The following OXCT1 variants were observed in gnomAD, a reference collection of about 807,000 sequenced individuals.
OXCT1 encodes the protein 3-oxoacid CoA-transferase 1.
OXCT1 carries 27 observed loss-of-function variants against 69.6 expected under a neutral mutation model. The ratio of observed to expected loss-of-function variants is 0.39; its 90% CI spans 0.29 to 0.54. The LOEUF is 0.54. OXCT1 is among the 20% of genes least tolerant of loss of function. The pLI is 0.72. For synonymous variants in OXCT1, 202 were observed against 217.8 expected (o/e 0.93, Z 0.64); for missense variants, 437 against 650.2 (o/e 0.67, Z 3.57).
At chr5:41,860,393 AT>A (rs1749678139) in intron 3 of OXCT1, among the ~76,000 whole-genome samples, 1 of 152,196 alleles carries the variant, frequency 6.6e-6, no homozygotes, top group Admixed American at 6.5e-5. Context: ...AAGGGGCAAG[AT>A]CAATAAAGAC....
rs547919263 is a variant in OXCT1, at chr5:41,823,472, C to T, written c.733-16034G>A. 2.6e-5 allele frequency among the ~76,000 whole-genome samples: 4 copies of T among 152,268 alleles called. No homozygotes were observed. In the South Asian group the frequency reaches 8.3e-4, roughly 32 times the overall value. On this transcript the variant is annotated intron_variant, in intron 7 of 16. Coordinates refer to ENST00000196371, the MANE Select transcript of OXCT1 (RefSeq NM_000436.4). ...CAATTACAGTTTGAGCTTTTCTACC[C>T]CAGGACTGGTTCCCATGGAGATTTC...
chr5:41,732,491 C>T (rs1742683487), intron 16 of OXCT1, among the ~76,000 whole-genome samples: 1 of 152,130 alleles, frequency 6.6e-6, no homozygotes, highest in South Asian at 2.1e-4. Context: ...TATAAGTGGT[C>T]AGTTTAACTG....
intron 13 of OXCT1, among the ~76,000 whole-genome samples, chr5:41,771,778 A>C (rs1744882021): frequency 6.6e-6 from 1 of 152,210 alleles, no homozygotes; most frequent in Admixed American, 6.5e-5. Flanking sequence ...TACTACCCAG[A>C]AACAGAATAA....
At chr5:41,777,155 T>C (rs1375866155) in intron 13 of OXCT1, among the ~76,000 whole-genome samples, 3 of 152,164 alleles carry the variant, frequency 2.0e-5, no homozygotes, top group Non-Finnish European at 4.4e-5. Flanking sequence ...CGGTGGCTTA[T>C]GCCTGTAATC....
At chr5:41,758,650 T>C (rs1368335705) in intron 14 of OXCT1, among the ~76,000 whole-genome samples, 1 of 151,932 alleles carries the variant, frequency 6.6e-6, no homozygotes, top group Non-Finnish European at 1.5e-5. Context: ...AGGGAACCCA[T>C]AAAGGAAGGA....
At chr5:41,811,720 A>G (rs1579788272) in intron 7 of OXCT1, among the ~76,000 whole-genome samples, 1 of 152,192 alleles carries the variant, frequency 6.6e-6, no homozygotes, top group East Asian at 1.9e-4. Flanking sequence ...TGAATTTGCA[A>G]CCTTTAAAAT....
intron 7 of OXCT1, among the ~76,000 whole-genome samples, chr5:41,835,247 A>C (rs888753776): frequency 6.6e-6 from 1 of 152,230 alleles, no homozygotes; most frequent in African/African-American, 2.4e-5. Flanking sequence ...ATTCCTAGAC[A>C]TATATAACCT....
intron 1 of OXCT1, among the ~76,000 whole-genome samples, chr5:41,868,346 G>A (rs1750099562): frequency 6.6e-6 from 1 of 152,110 alleles, no homozygotes; most frequent in African/African-American, 2.4e-5. Flanking sequence ...CTCTGCCATC[G>A]GGGAACTGTC....
At chr5:41,810,729 G>C (rs890307671) in intron 7 of OXCT1, among the ~76,000 whole-genome samples, 7 of 152,034 alleles carry the variant, frequency 4.6e-5, no homozygotes, top group Non-Finnish European at 8.8e-5. Context: ...GTGATTGCTT[G>C]GCAAACATTA....
intron 7 of OXCT1, among the ~76,000 whole-genome samples, chr5:41,824,641 A>G (rs1338630935): frequency 6.6e-6 from 1 of 152,226 alleles, no homozygotes; most frequent in Non-Finnish European, 1.5e-5. Context: ...AACTATAAAT[A>G]AAACAGCAGC....
rs970641432 is a variant in OXCT1, at chr5:41,730,415, C to T, written c.*1314G>A. 3 of 152,144 alleles carry T rather than the reference C, an allele frequency of 2.0e-5. No individual in the cohort carries two copies. The highest frequency in any genetic ancestry group is 2.9e-5 in the Non-Finnish European group (2 of 68,028). 9.4% of individuals were successfully genotyped at this position (152,144 alleles called of 1,614,324 possible). On this transcript the variant is annotated 3_prime_UTR_variant, in exon 17 of 17. Transcript: ENST00000196371. ...TGTACATTACACAATTGTAGCTACA[C>T]CTGAAAAGAAGTGAGTTTCAATGAC...
At chr5:41,802,636 T>A (rs548505080) in intron 10 of OXCT1, among the ~76,000 whole-genome samples, 1 of 152,052 alleles carries the variant, frequency 6.6e-6, no homozygotes, top group Non-Finnish European at 1.5e-5. Flanking sequence ...TTATTTAACA[T>A]AGAACTATTG....
chr5:41,853,372 A>T (rs780012179), intron 4 of OXCT1, 47 bp downstream of exon 4: 1 of 1,569,360 alleles, frequency 6.4e-7, no homozygotes, highest in East Asian at 2.2e-5. Flanking sequence ...GAAAAAAGGA[A>T]TTTTTAAAGT....
chr5:41,829,412 GATCTC>G (rs1747983931), intron 7 of OXCT1, among the ~76,000 whole-genome samples: 1 of 151,930 alleles, frequency 6.6e-6, no homozygotes, highest in Non-Finnish European at 1.5e-5. Flanking sequence ...TTTCTTTTAG[GATCTC>G]TATATAAACT....
At chr5:41,844,530 A>G (rs1046947134) in intron 5 of OXCT1, among the ~76,000 whole-genome samples, 4 of 150,326 alleles carry the variant, frequency 2.7e-5, no homozygotes, top group Non-Finnish European at 5.9e-5. Flanking sequence ...CTAAATGTCA[A>G]CGAGGTGCTC....
chr5:41,739,519 T>C, intron 15 of OXCT1, 28 bp from the exon 16 acceptor site: 2 of 1,460,726 alleles, frequency 1.4e-6, no homozygotes. Context: ...AAAAGGACAA[T>C]GACAATTTCC....
chr5:41,747,629 G>T (rs1743562474), intron 15 of OXCT1, among the ~76,000 whole-genome samples: 1 of 151,988 alleles, frequency 6.6e-6, no homozygotes, highest in Non-Finnish European at 1.5e-5. Flanking sequence ...GGATGGGGTG[G>T]GAAGAATGTT....
intron 2 of OXCT1, among the ~76,000 whole-genome samples, chr5:41,861,724 T>C (rs1032685964): frequency 6.6e-6 from 1 of 152,198 alleles, no homozygotes; most frequent in African/African-American, 2.4e-5. Context: ...AAATCAGTTT[T>C]TCTACAACTT....
intron 15 of OXCT1, among the ~76,000 whole-genome samples, chr5:41,748,019 T>C (rs1743589675): frequency 6.6e-6 from 1 of 152,092 alleles, no homozygotes; most frequent in Non-Finnish European, 1.5e-5. Context: ...TCTGCCTTCC[T>C]CCTTTCTGTA....
Sources: gnomAD v4.1 joint callset for allele counts (sites outside exome capture counted in the v4.1 genomes callset) on GRCh38, gnomAD v4.1.1 for gene constraint, MANE v1.5 for transcripts, NCBI Gene and HGNC (gene_info 2026-07-23, HGNC 2026-07-21) for gene names.